The following ECM1 variants were observed in gnomAD, a reference collection of about 807,000 sequenced individuals.
ECM1 encodes secretory component p85.
ECM1 carries 54 observed loss-of-function variants against 57.9 expected under a neutral mutation model. The observed-to-expected ratio is 0.93, with a 90% confidence interval of 0.75 to 1.17. The LOEUF (loss-of-function observed/expected upper bound fraction) is 1.17, where lower values mean the gene tolerates loss of function less well. Ranked by LOEUF, ECM1 falls within the 50% of genes most tolerant of loss-of-function variation. ECM1 has a pLI of 0.00. For synonymous variants in ECM1, 237 were observed against 259.1 expected (o/e 0.91, Z 0.82); for missense variants, 649 against 688.1 (o/e 0.94, Z 0.64).
In ECM1 at chr1:150,508,184, A is replaced by C. The variant is rs1182821530; in HGVS notation, c.-26A>C. ...ACTTGCCTGAGAGGACCCACCTCTG[A>C]GTGTCCAGTGGTCAGTTGCCCCAGG... On this transcript the variant is annotated 5_prime_UTR_variant, in exon 1 of 10. Coordinates refer to ENST00000369047, the MANE Select transcript of ECM1 (RefSeq NM_004425.4). 2 of 1,611,252 alleles carry C rather than the reference A, an allele frequency of 1.2e-6. No individual in the cohort carries two copies. The highest frequency in any genetic ancestry group is 1.7e-6 in the Non-Finnish European group (2 of 1,177,480).
intron 1 of ECM1, 40 bp from the exon 2 acceptor site, chr1:150,509,491 G>T (rs1388499237): frequency 6.2e-7 from 1 of 1,613,050 alleles, no homozygotes; most frequent in East Asian, 2.2e-5. Context: ...TCCAGGGAAG[G>T]CCCTCCCAGT....
At chr1:150,510,344 T>A (rs889962172) in intron 5 of ECM1, 162 bp downstream of exon 5, 1 of 700,958 alleles carries the variant, frequency 1.4e-6, no homozygotes, top group African/African-American at 1.8e-5. Flanking sequence ...TCTGTAAAAT[T>A]GAGGATATAC....
Position 150,512,401 on chromosome 1 carries a change from C to G in ECM1, c.1133C>G (p.Thr378Ser). 1 of 1,613,374 alleles carries G rather than the reference C, an allele frequency of 6.2e-7. No individual in the cohort carries two copies. Among genetic ancestry groups the G allele is most frequent in the Non-Finnish European group, 8.5e-7 (1 of 1,179,904 alleles). Residue 378 changes from threonine to serine, a missense_variant, in exon 8 of 10, where the codon ACC becomes AGC. Coordinates refer to ENST00000369047, the MANE Select transcript of ECM1 (RefSeq NM_004425.4). The stretch of plus-strand genomic sequence containing the variant: ...TGTGACCGGGAGTATGCTGTGAAGA[C>G]CCACCACCACTTGTGTTGCCGCCAC... ...KYCDREYAVK[T>S]HHHLCCRHPP...
Position 150,513,309 on chromosome 1 carries a change from C to A in ECM1, c.1465C>A (p.Leu489Met). The A allele has an allele frequency of 6.2e-7, 1 of 1,614,260 alleles. No individual in the cohort carries two copies. Among genetic ancestry groups the A allele is most frequent in the South Asian group, 1.1e-5 (1 of 91,092 alleles). The change falls in exon 10 of 10, where the codon CTG becomes ATG. Residue 489 changes from leucine to methionine, a missense_variant. Leu to Met is a conservative substitution (Grantham distance 15). Coordinates refer to ENST00000369047, the MANE Select transcript of ECM1 (RefSeq NM_004425.4). ...IWRDPALCCY[L>M]SPGDEQVNCF... ...GCGAGACCCTGCCCTCTGCTGTTAC[C>A]TGAGTCCTGGGGATGAACAGGTCAA...
At chr1:150,513,156 G>A in intron 9 of ECM1, 81 bp from the exon 10 acceptor site, 1 of 1,440,560 alleles carries the variant, frequency 6.9e-7, no homozygotes, top group South Asian at 1.2e-5. Context: ...ATGAAAGGGG[G>A]ACTTTGGCAC....
Position 150,511,604 on chromosome 1 carries a change from A to G in ECM1, c.856A>G (p.Ser286Gly). 1.9e-6 allele frequency: 3 copies of G among 1,614,148 alleles called. No individual in the cohort carries two copies. Among genetic ancestry groups the G allele is most frequent in the Non-Finnish European group, 2.5e-6 (3 of 1,180,010 alleles). ...QPHYQLRACP[S>G]HQPDISSGLE... Reference sequence around the variant, plus strand: ...ACACTACCAGCTCCGGGCCTGCCCCAGCCATCAGCCTGATATTTCCTCGGG... The same window carrying G: ...ACACTACCAGCTCCGGGCCTGCCCCGGCCATCAGCCTGATATTTCCTCGGG... The change falls in exon 7 of 10, where the codon AGC becomes GGC. Residue 286 changes from serine to glycine, a missense_variant. Transcript: ENST00000369047.
intron 3 of ECM1, 71 bp from the exon 4 acceptor site, chr1:150,509,851 A>G: frequency 6.2e-7 from 1 of 1,613,824 alleles, no homozygotes; most frequent in South Asian, 1.1e-5. Context: ...AGGAGGGAAG[A>G]GGCCCTCGCC....
In ECM1 at chr1:150,508,176, C is replaced by A; in HGVS notation, c.-34C>A. The A allele has an allele frequency of 6.2e-7, 1 of 1,607,162 alleles. No individual in the cohort carries two copies. Among genetic ancestry groups the A allele is most frequent in the Non-Finnish European group, 8.5e-7 (1 of 1,173,864 alleles). On this transcript the variant is annotated 5_prime_UTR_variant, in exon 1 of 10. Transcript: ENST00000369047. ...ACATCCAGACTTGCCTGAGAGGACC[C>A]ACCTCTGAGTGTCCAGTGGTCAGTT...
intron 1 of ECM1, 26 bp downstream of exon 1, chr1:150,508,305 AG>A: frequency 6.2e-7 from 1 of 1,608,990 alleles, no homozygotes; most frequent in Non-Finnish European, 8.5e-7. Context: ...AGCACTTAGG[AG>A]GGGGTCTGGG....
chr1:150,511,003 G>T lies in ECM1; in HGVS notation c.513G>T (p.Arg171=), dbSNP rs1670422398. 1.2e-6 allele frequency: 2 copies of T among 1,614,064 alleles called. No individual in the cohort carries two copies. Among genetic ancestry groups the T allele is most frequent in the Non-Finnish European group, 8.5e-7 (1 of 1,180,026 alleles). ...GHRLDGFPPG[R]PSPDNLNQIC... The stretch of plus-strand genomic sequence containing the variant: ...GGCTGGATGGCTTCCCCCCTGGGCG[G>T]CCTTCTCCAGACAATCTGAACCAAA... Residue 171 remains arginine, a synonymous_variant, in exon 6 of 10, where the codon CGG becomes CGT. Coordinates refer to ENST00000369047, the MANE Select transcript of ECM1 (RefSeq NM_004425.4).
rs773755846 is a variant in ECM1, at chr1:150,510,856, C to G, written c.386-20C>G. 1 of 1,613,352 alleles carries G rather than the reference C, an allele frequency of 6.2e-7. No homozygotes were observed. Among genetic ancestry groups the G allele is most frequent in the South Asian group, 1.1e-5 (1 of 91,070 alleles). ...GGTTCCTTCACATGTCCCCGCTTCC[C>G]ACTGTTTTCCCCATTCCAGGAACGC... On this transcript the variant is annotated intron_variant, in intron 5 of 9. Coordinates refer to ENST00000369047, the MANE Select transcript of ECM1 (RefSeq NM_004425.4).
In ECM1 at chr1:150,513,530, A is replaced by G. The variant is rs1670501914; in HGVS notation, c.*63A>G. ...CCCACCCTGCCCCACCCATCTGAAC[A>G]CTCATTACACTAAACACCTCTTGGA... On this transcript the variant is annotated 3_prime_UTR_variant, in exon 10 of 10. Transcript: ENST00000369047. The G allele has an allele frequency of 2.1e-6, 3 of 1,416,248 alleles. No homozygotes were observed. The highest frequency in any genetic ancestry group is 2.9e-6 in the Non-Finnish European group (3 of 1,028,460). The allele number at this position is 1,416,248 out of a possible 1,614,324, so 87.7% of individuals were successfully genotyped here.
intron 5 of ECM1, 89 bp downstream of exon 5, chr1:150,510,271 T>C: frequency 8.3e-7 from 1 of 1,204,056 alleles, no homozygotes; most frequent in South Asian, 1.2e-5. Context: ...CGGTGGGCTC[T>C]GCCACTCACC....
chr1:150,508,638 G>A lies in ECM1; in HGVS notation c.70+359G>A, dbSNP rs587745023. 5.3e-5 allele frequency among the ~76,000 whole-genome samples: 8 copies of A among 152,136 alleles called. No individual in the cohort carries two copies. The South Asian group carries it at 8.3e-4, about 16-fold the overall frequency. On this transcript the variant is annotated intron_variant, in intron 1 of 9. Coordinates refer to ENST00000369047, the MANE Select transcript of ECM1 (RefSeq NM_004425.4). ...AGGGGCCCCCAGGCTGCTCAAAACC[G>A]GATTGCTGGCCCAGCAAGCCTCGAC...
Position 150,508,245 on chromosome 1 carries a change from C to T in ECM1, c.36C>T (p.Thr12=). The part of the protein sequence containing the change: ...GTTARAALVL[T]YLAVASAASE... ...CAGCCAGAGCAGCCTTGGTCTTGAC[C>T]TATTTGGCTGTTGCTTCTGCTGCCT... The change falls in exon 1 of 10, where the codon ACC becomes ACT. Residue 12 remains threonine, a synonymous_variant. Transcript: ENST00000369047. 6.2e-7 allele frequency: 1 copy of T among 1,614,098 alleles called. No homozygotes were observed. Among genetic ancestry groups the T allele is most frequent in the Non-Finnish European group, 8.5e-7 (1 of 1,180,032 alleles).
Position 150,511,751 on chromosome 1 carries a change from C to G in ECM1, c.1003C>G (p.Leu335Val). 6.2e-7 allele frequency: 1 copy of G among 1,614,026 alleles called. No individual in the cohort carries two copies. The highest frequency in any genetic ancestry group is 8.5e-7 in the Non-Finnish European group (1 of 1,179,940). Residue 335 changes from leucine to valine, a missense_variant, in exon 7 of 10, where the codon CTG becomes GTG. By Grantham distance (32) the Leu-to-Val change is conservative (BLOSUM62 1). Transcript: ENST00000369047. ...LPATDPLQRELLALIQLEREF... is the reference protein window; with the variant it reads ...LPATDPLQREVLALIQLEREF... Reference sequence around the variant, plus strand: ...AGCTACTGACCCCCTACAAAGGGAGCTGCTGGCACTGATCCAGCTGGAGAG... The same window carrying G: ...AGCTACTGACCCCCTACAAAGGGAGGTGCTGGCACTGATCCAGCTGGAGAG...
intron 9 of ECM1, 36 bp from the exon 10 acceptor site, chr1:150,513,201 C>G: frequency 6.2e-7 from 1 of 1,606,270 alleles, no homozygotes; most frequent in African/African-American, 1.3e-5. Flanking sequence ...ACCACCTCCC[C>G]ACCCCATCAT....
In ECM1 at chr1:150,511,830, C is replaced by T; in HGVS notation, c.1082C>T (p.Ala361Val). 1 of 1,599,840 alleles carries T rather than the reference C, an allele frequency of 6.3e-7. No homozygotes were observed. The highest frequency in any genetic ancestry group is 8.5e-7 in the Non-Finnish European group (1 of 1,171,398). The change falls in exon 7 of 10, where the codon GCC (alanine) becomes GTC (valine). Residue 361 changes from alanine to valine, a missense_variant and splice_region_variant. By Grantham distance (64) the Ala-to-Val change is moderately conservative (BLOSUM62 0). Coordinates refer to ENST00000369047, the MANE Select transcript of ECM1 (RefSeq NM_004425.4). ...AACAATCACACCTGTACATGGAAGG[C>T]CGTAAGTGGGCGTCCCAGCCTCCCT... ...QGNNHTCTWKAWEDTLDKYCD... is the reference protein window; with the variant it reads ...QGNNHTCTWKVWEDTLDKYCD...
chr1:150,511,309 C>A (rs1290241086), intron 6 of ECM1, 111 bp downstream of exon 6: 1 of 1,586,974 alleles, frequency 6.3e-7, no homozygotes, highest in African/African-American at 1.3e-5. Context: ...GTCCCGTTCA[C>A]TGGCCCTACC....
Sources: allele counts gnomAD v4.1 joint callset (sites outside exome capture counted in the v4.1 genomes callset), GRCh38; gene constraint gnomAD v4.1.1; transcripts MANE v1.5; gene names NCBI Gene and HGNC (gene_info 2026-07-23, HGNC 2026-07-21).